Variants in LEPR observed in about 807,000 individuals in gnomAD.
LEPR encodes OB receptor.
In LEPR, 56 loss-of-function variants were observed where a neutral mutation model predicts 114.7. The ratio of observed to expected loss-of-function variants is 0.49; its 90% CI spans 0.39 to 0.61. LEPR has a LOEUF of 0.61. Ranked by LOEUF, LEPR falls within the 20% of genes least tolerant of loss-of-function variation. The probability of loss-of-function intolerance (pLI) is 0.00; values close to 1 mark genes in which losing one functional copy is unlikely to be tolerated. For missense variants in LEPR, 1,202 were observed against 1,352.9 expected, an observed-to-expected ratio of 0.89 and a Z score of 1.75; for synonymous variants, 443 against 461.4, an observed-to-expected ratio of 0.96 and a Z score of 0.51.
chr1:65,607,576 T>C (rs1656893555), intron 11 of LEPR, among the ~76,000 whole-genome samples: 2 of 152,242 alleles, frequency 1.3e-5, no homozygotes, highest in African/African-American at 4.8e-5. Context: ...CTAAATGGAA[T>C]CTTCTAGTCT....
intron 2 of LEPR, among the ~76,000 whole-genome samples, chr1:65,547,193 G>T (rs1651820345): frequency 6.6e-6 from 1 of 151,932 alleles, no homozygotes; most frequent in African/African-American, 2.4e-5. Flanking sequence ...TTGATGTGCT[G>T]CTGGATTCGG....
chr1:65,438,113 CTTT>C (rs36053447), intron 2 of LEPR, among the ~76,000 whole-genome samples: 2 of 87,760 alleles, frequency 2.3e-5, no homozygotes, highest in East Asian at 3.0e-4. Flanking sequence ...TCCTAGCCGC[CTTT>C]TTTTTTTTTT....
At chr1:65,435,854 G>A in intron 2 of LEPR, 1 of 983,260 alleles carries the variant, frequency 1.0e-6, no homozygotes, top group Non-Finnish European at 1.2e-6. Context: ...GTCTCATGAA[G>A]TACCTTATTG....
In LEPR at chr1:65,638,564, T is replaced by C. The variant is rs1318009569; in HGVS notation, c.*1549T>C. 6.6e-6 allele frequency: 1 copy of C among 152,188 alleles called. No homozygotes were observed. The highest frequency in any genetic ancestry group is 2.4e-5 in the African/African-American group (1 of 41,460). 9.4% of individuals were successfully genotyped at this position (152,188 alleles called of 1,614,324 possible). A position where few individuals can be genotyped will look rare whatever the true frequency, so the allele number is the denominator to read the frequency against. On this transcript the variant is annotated 3_prime_UTR_variant, in exon 20 of 20. Coordinates refer to ENST00000349533, the MANE Select transcript of LEPR (RefSeq NM_002303.6). ...CAAGAGACTCCCAATTTTACTGTTA[T>C]CCTAAATAAATCTCTACATTCCATC...
chr1:65,514,495 A>G (rs888009074), intron 2 of LEPR, among the ~76,000 whole-genome samples: 1 of 152,256 alleles, frequency 6.6e-6, no homozygotes, highest in African/African-American at 2.4e-5. Flanking sequence ...TTGTAGATAA[A>G]TTAGAAAAGT....
intron 3 of LEPR, 73 bp downstream of exon 3, chr1:65,565,678 T>G (rs2100783772): frequency 6.5e-7 from 1 of 1,532,382 alleles, no homozygotes; most frequent in South Asian, 1.1e-5. Context: ...AGATGCTGTT[T>G]TATTTATTAG....
At chr1:65,422,278 A>G (rs1646265980) in intron 1 of LEPR, among the ~76,000 whole-genome samples, 1 of 152,206 alleles carries the variant, frequency 6.6e-6, no homozygotes, top group African/African-American at 2.4e-5. Flanking sequence ...ATACCATGGG[A>G]AGACGGAGAC....
intron 2 of LEPR, among the ~76,000 whole-genome samples, chr1:65,502,480 T>C (rs900426276): frequency 2.0e-5 from 3 of 152,078 alleles, no homozygotes; most frequent in African/African-American, 7.2e-5. Context: ...AATTTTTAGT[T>C]ACTGATTTAG....
At chr1:65,630,604 C>A (rs962503192) in intron 19 of LEPR, among the ~76,000 whole-genome samples, 1 of 151,416 alleles carries the variant, frequency 6.6e-6, no homozygotes, top group African/African-American at 2.4e-5. Context: ...TTCTTTGTTT[C>A]TCTTTCTAGA....
upstream of LEPR, chr1:65,420,658 T>C: frequency 6.5e-7 from 1 of 1,543,708 alleles, no homozygotes; most frequent in Non-Finnish European, 8.7e-7. Context: ...ACTCCCGGTC[T>C]GGCTTGGGCA....
At chr1:65,447,630 T>C (rs1646730806) in intron 2 of LEPR, among the ~76,000 whole-genome samples, 1 of 151,648 alleles carries the variant, frequency 6.6e-6, no homozygotes, top group Non-Finnish European at 1.5e-5. Context: ...CCTCCTGGGC[T>C]CAGGTGATCT....
chr1:65,466,229 A>G (rs1359114689), intron 2 of LEPR, among the ~76,000 whole-genome samples: 1 of 152,142 alleles, frequency 6.6e-6, no homozygotes. Context: ...TAGAGTGACA[A>G]AATCTCTCAG....
At chr1:65,583,487 G>A (rs1655126276) in intron 5 of LEPR, among the ~76,000 whole-genome samples, 1 of 151,988 alleles carries the variant, frequency 6.6e-6, no homozygotes, top group Admixed American at 6.6e-5. Flanking sequence ...ACATTTCATA[G>A]GAACTCCAGA....
intron 2 of LEPR, among the ~76,000 whole-genome samples, chr1:65,505,009 C>G (rs1442826865): frequency 6.6e-6 from 1 of 152,144 alleles, no homozygotes; most frequent in African/African-American, 2.4e-5. Flanking sequence ...TTAAACATCT[C>G]AAGTGCTGTC....
chr1:65,569,524 T>C (rs1297426399), intron 3 of LEPR, among the ~76,000 whole-genome samples: 1 of 151,950 alleles, frequency 6.6e-6, no homozygotes, highest in Non-Finnish European at 1.5e-5. Flanking sequence ...CTGGCCAACA[T>C]GGCAAAACCC....
At chr1:65,546,293 T>C (rs1651715967) in intron 2 of LEPR, among the ~76,000 whole-genome samples, 1 of 152,222 alleles carries the variant, frequency 6.6e-6, no homozygotes, top group African/African-American at 2.4e-5. Context: ...CGATGCGGGC[T>C]CTTTTTTGGT....
At chr1:65,453,265 G>C (rs1429544561) in intron 2 of LEPR, among the ~76,000 whole-genome samples, 2 of 151,680 alleles carry the variant, frequency 1.3e-5, no homozygotes, top group Admixed American at 6.6e-5. Context: ...AGGGTTTTTT[G>C]TGTCTCTATT....
Position 65,603,823 on chromosome 1 carries a change from G to A in LEPR, c.1404-1215G>A, listed in dbSNP as rs528998012. Among the ~76,000 whole-genome samples, 6 of 151,900 alleles carry A rather than the reference G, an allele frequency of 3.9e-5. No homozygotes were observed. The South Asian group carries it at 1.2e-3, about 32-fold the overall frequency. On this transcript the variant is annotated intron_variant, in intron 10 of 19. Transcript: ENST00000349533. ...TGGACACCCCTGCTTTATGGGTTCTGAGGTGGAGTGTTGGCTAGGACTCAC... is the reference window on the plus strand; with the variant it reads ...TGGACACCCCTGCTTTATGGGTTCTAAGGTGGAGTGTTGGCTAGGACTCAC...
intron 2 of LEPR, among the ~76,000 whole-genome samples, chr1:65,545,767 C>G (rs977246182): frequency 5.3e-5 from 8 of 152,158 alleles, no homozygotes; most frequent in African/African-American, 1.7e-4. Context: ...TGCCTGTTCA[C>G]TCTGATGGTA....
Sources: allele counts gnomAD v4.1 joint callset (sites outside exome capture counted in the v4.1 genomes callset), GRCh38; gene constraint gnomAD v4.1.1; transcripts MANE v1.5; gene names NCBI Gene and HGNC (gene_info 2026-07-23, HGNC 2026-07-21).